PTPN12: variants seen among roughly 807,000 people sequenced by gnomAD.
PTPN12 encodes protein tyrosine phosphatase non-receptor type 12.
PTPN12 carries 29 observed loss-of-function variants against 97.6 expected under a neutral mutation model. The ratio of observed to expected loss-of-function variants is 0.30; its 90% CI spans 0.22 to 0.41. The LOEUF is 0.41. Among genes scored for constraint, PTPN12 ranks in the 10% least tolerant of loss-of-function variants. The probability of loss-of-function intolerance (pLI) is 1.00; values close to 1 mark genes in which losing one functional copy is unlikely to be tolerated. For synonymous variants in PTPN12, 327 were observed against 300.4 expected, an observed-to-expected ratio of 1.09 and a Z score of -0.91; for missense variants, 819 against 926.0, an observed-to-expected ratio of 0.88 and a Z score of 1.50.
At chr7:77,578,207 A>G (rs912053752) in intron 2 of PTPN12, among the ~76,000 whole-genome samples, 1 of 152,186 alleles carries the variant, frequency 6.6e-6, no homozygotes, top group Non-Finnish European at 1.5e-5. Context: ...TCATATGAAT[A>G]AGGGTAATTA....
intron 7 of PTPN12, 85 bp downstream of exon 7, chr7:77,597,986 G>A: frequency 6.5e-6 from 10 of 1,527,740 alleles, no homozygotes; most frequent in South Asian, 2.6e-5. Flanking sequence ...CCAACACTTT[G>A]GGAGGCTGAA....
chr7:77,637,857 C>CAA (rs754983873), intron 16 of PTPN12, among the ~76,000 whole-genome samples: 2,886 of 55,588 alleles, frequency 0.052, 522 homozygotes, highest in African/African-American at 0.15. Flanking sequence ...AACTCCGTCT[C>CAA]AAAAAAAAAA....
Position 77,570,229 on chromosome 7 carries a change from G to C in PTPN12, c.100-849G>C, listed in dbSNP as rs561363978. Among the ~76,000 whole-genome samples, 3 of 152,134 alleles carry C rather than the reference G, an allele frequency of 2.0e-5. No homozygotes were observed. The South Asian group carries it at 6.2e-4, about 31-fold the overall frequency. Reference sequence around the variant, plus strand: ...AAAGAAAGGTTTATAGGCAGTTTTAGTTCCTTAAATATCAGTATCACAAGT... The same window carrying C: ...AAAGAAAGGTTTATAGGCAGTTTTACTTCCTTAAATATCAGTATCACAAGT... On this transcript the variant is annotated intron_variant, in intron 1 of 17. Transcript: ENST00000248594.
intron 13 of PTPN12, 63 bp downstream of exon 13, chr7:77,627,738 T>C: frequency 7.1e-7 from 1 of 1,403,096 alleles, no homozygotes; most frequent in Non-Finnish European, 9.4e-7. Context: ...TTTTAAGCAC[T>C]TTAGCTGTAT....
chr7:77,548,831 G>T (rs988065740), intron 1 of PTPN12, among the ~76,000 whole-genome samples: 1 of 152,062 alleles, frequency 6.6e-6, no homozygotes, highest in Non-Finnish European at 1.5e-5. Flanking sequence ...AGAGAGCCTG[G>T]GTGACTCCTC....
chr7:77,549,673 T>C (rs551892455), intron 1 of PTPN12, among the ~76,000 whole-genome samples: 2 of 152,022 alleles, frequency 1.3e-5, no homozygotes, highest in East Asian at 3.9e-4. Context: ...CCTGACCTCC[T>C]GGGCTCAAGT....
intron 11 of PTPN12, among the ~76,000 whole-genome samples, chr7:77,618,220 C>G (rs771417129): frequency 6.6e-6 from 1 of 151,956 alleles, no homozygotes; most frequent in Non-Finnish European, 1.5e-5. Flanking sequence ...TTTACGGTAG[C>G]ATTTGAGATG....
intron 1 of PTPN12, among the ~76,000 whole-genome samples, chr7:77,554,279 T>C (rs1321675944): frequency 6.6e-6 from 1 of 152,270 alleles, no homozygotes; most frequent in African/African-American, 2.4e-5. Flanking sequence ...GTTTTCACTT[T>C]TTTAAGTGGT....
chr7:77,632,465 A>C (rs200668953), intron 14 of PTPN12, 40 bp downstream of exon 14: 1 of 1,441,522 alleles, frequency 6.9e-7, no homozygotes, highest in African/African-American at 1.4e-5. Context: ...TTCATATTCT[A>C]ATAATAAACT....
At chr7:77,579,312 A>G (rs571667275) in intron 2 of PTPN12, among the ~76,000 whole-genome samples, 2 of 152,098 alleles carry the variant, frequency 1.3e-5, no homozygotes, top group African/African-American at 4.8e-5. Context: ...TTTAGTAGAG[A>G]TGGGGTTTCG....
At chr7:77,625,567 T>C (rs1434660658) in intron 12 of PTPN12, among the ~76,000 whole-genome samples, 6 of 74,184 alleles carry the variant, frequency 8.1e-5, no homozygotes, top group Non-Finnish European at 1.0e-4. Context: ...CTCTCTCTCT[T>C]TTTTTTTTTT....
At chr7:77,586,849 G>A (rs1292182804) in intron 5 of PTPN12, among the ~76,000 whole-genome samples, 1 of 152,164 alleles carries the variant, frequency 6.6e-6, no homozygotes, top group East Asian at 1.9e-4. Context: ...CAAGAAAGTA[G>A]ATTCCATCTC....
intron 1 of PTPN12, among the ~76,000 whole-genome samples, chr7:77,553,408 A>G (rs1807565383): frequency 6.6e-6 from 1 of 152,206 alleles, no homozygotes; most frequent in Admixed American, 6.5e-5. Flanking sequence ...CAACTATAAT[A>G]GTGGATTCAA....
intron 11 of PTPN12, among the ~76,000 whole-genome samples, chr7:77,614,231 G>A (rs1029019939): frequency 1.3e-5 from 2 of 152,076 alleles, no homozygotes; most frequent in African/African-American, 4.8e-5. Context: ...ATAATCTCCA[G>A]AAAATATGTG....
chr7:77,583,495 G>C (rs1787588014), intron 3 of PTPN12, 60 bp from the exon 4 acceptor site: 2 of 1,020,060 alleles, frequency 2.0e-6, no homozygotes, highest in African/African-American at 1.6e-5. Context: ...TTATATTTTG[G>C]GTAATGAAAT....
intron 6 of PTPN12, 84 bp from the exon 7 acceptor site, chr7:77,597,758 C>CTTT (rs1282123777): frequency 7.6e-6 from 11 of 1,455,120 alleles, no homozygotes; most frequent in Non-Finnish European, 1.0e-5. Context: ...ATATTGTGGA[C>CTTT]TTTGATACAA....
chr7:77,557,473 GT>G (rs1365873833), intron 1 of PTPN12, among the ~76,000 whole-genome samples: 1 of 152,204 alleles, frequency 6.6e-6, no homozygotes, highest in African/African-American at 2.4e-5. Flanking sequence ...AAGAAAAGTT[GT>G]TGATTTTTCA....
chr7:77,569,877 CAG>C (rs1370443973), intron 1 of PTPN12, among the ~76,000 whole-genome samples: 1 of 152,182 alleles, frequency 6.6e-6, no homozygotes, highest in Non-Finnish European at 1.5e-5. Flanking sequence ...AATTCAGAGA[CAG>C]GGTCTTGCAT....
chr7:77,585,920 A>G (rs548496633), intron 5 of PTPN12, among the ~76,000 whole-genome samples: 4 of 152,302 alleles, frequency 2.6e-5, no homozygotes, highest in African/African-American at 7.2e-5. Context: ...AATGTTCAGT[A>G]GCATTATACC....
Sources: gnomAD v4.1 joint callset for allele counts (sites outside exome capture counted in the v4.1 genomes callset) on GRCh38, gnomAD v4.1.1 for gene constraint, MANE v1.5 for transcripts, NCBI Gene and HGNC (gene_info 2026-07-23, HGNC 2026-07-21) for gene names.